The following CTSB variants were observed in gnomAD, a reference collection of about 807,000 sequenced individuals.
The protein encoded by CTSB is APP secretase.
In CTSB, 57 loss-of-function variants were observed where a neutral mutation model predicts 44.3. The ratio of observed to expected loss-of-function variants is 1.29; its 90% CI spans 1.04 to 1.60. The LOEUF is 1.60. CTSB is among the 40% of genes most tolerant of loss of function. The pLI is 0.00. For missense variants in CTSB, 768 were observed against 443.0 expected, an observed-to-expected ratio of 1.73 and a Z score of -6.59; for synonymous variants, 320 against 168.0, an observed-to-expected ratio of 1.91 and a Z score of -7.00.
intron 4 of CTSB, 160 bp from the exon 5 acceptor site, chr8:11,849,324 T>C (rs780109544): frequency 5.5e-6 from 3 of 543,018 alleles, no homozygotes; most frequent in Non-Finnish European, 1.0e-5. Flanking sequence ...TTTATTTTCT[T>C]TGGTAGAAAT....
At chr8:11,848,930 C>T (rs375334854) in intron 5 of CTSB, 116 bp downstream of exon 5, 195 of 721,986 alleles carry the variant, frequency 2.7e-4, no homozygotes, top group South Asian at 2.5e-3. Flanking sequence ...GGAGTCTCCC[C>T]GAAACACTTC....
intron 9 of CTSB, 76 bp downstream of exon 9, chr8:11,845,585 A>C: frequency 2.6e-6 from 4 of 1,549,826 alleles, no homozygotes; most frequent in Non-Finnish European, 3.5e-6. Flanking sequence ...CGGTGGGTAG[A>C]ACAGAGAAAG....
intron 7 of CTSB, 111 bp downstream of exon 7, chr8:11,847,568 G>A: frequency 2.4e-6 from 3 of 1,235,814 alleles, no homozygotes; most frequent in Non-Finnish European, 3.3e-6. Context: ...CTATCCTAGA[G>A]TTCCGGGACC....
rs188138506 is a variant in CTSB at position 11,845,633 on chromosome 8, T to C, written c.922+28A>G. 2.4e-5 allele frequency: 39 copies of C among 1,607,646 alleles called. No homozygotes were observed. In the African/African-American group the frequency reaches 4.1e-4, roughly 17 times the overall value. On this transcript the variant is annotated intron_variant, in intron 9 of 9. Transcript: ENST00000353047. The stretch of plus-strand genomic sequence containing the variant: ...CGGGGTGTGGCTCACAATTCACTGT[T>C]CTTGGCAGGAAGGGGGCAGCCACTC...
intron 1 of CTSB, among the ~76,000 whole-genome samples, chr8:11,860,786 G>C (rs560788563): frequency 1.3e-5 from 2 of 152,214 alleles, no homozygotes; most frequent in Admixed American, 6.5e-5. Flanking sequence ...CCTTCCCAGA[G>C]TACTTTGTTT....
chr8:11,847,871 A>AAGCCCCAGTTGGGCGAGGC, intron 6 of CTSB, 49 bp from the exon 7 acceptor site: 2 of 1,555,122 alleles, frequency 1.3e-6, no homozygotes, highest in Non-Finnish European at 1.7e-6. Flanking sequence ...CCCCACGGAG[A>AAGCCCCAGTTGGGCGAGGC]AGACCTGGGG....
intron 1 of CTSB, among the ~76,000 whole-genome samples, chr8:11,855,550 AAC>A (rs1384779669): frequency 6.6e-6 from 1 of 152,206 alleles, no homozygotes; most frequent in African/African-American, 2.4e-5. Flanking sequence ...ATTGACAGGA[AAC>A]ACAGCCTTCA....
In CTSB at chr8:11,845,044, T is replaced by G. The variant is rs542531386; in HGVS notation, c.*81A>C. The G allele has an allele frequency of 3.4e-5, 33 of 965,914 alleles. No individual in the cohort carries two copies. The highest frequency in any genetic ancestry group is 5.3e-5 in the Non-Finnish European group (32 of 608,104). 59.8% of individuals were successfully genotyped at this position (965,914 alleles called of 1,614,324 possible). On this transcript the variant is annotated 3_prime_UTR_variant, in exon 10 of 10. Transcript: ENST00000353047. ...TCCTTCAGACCCTGTCTGAAACTTGTATCTTACGTGAACTTAAAGAATAAA... is the reference window on the plus strand; with the variant it reads ...TCCTTCAGACCCTGTCTGAAACTTGGATCTTACGTGAACTTAAAGAATAAA...
intron 4 of CTSB, among the ~76,000 whole-genome samples, chr8:11,850,316 G>C (rs948007052): frequency 4.7e-5 from 7 of 149,168 alleles, no homozygotes; most frequent in African/African-American, 1.7e-4. Context: ...CTACTGGGGA[G>C]ACTGAGGCAG....
At chr8:11,846,913 G>A (rs1813473360) in intron 8 of CTSB, 139 bp downstream of exon 8, 3 of 655,760 alleles carry the variant, frequency 4.6e-6, no homozygotes, top group Non-Finnish European at 8.3e-6. Flanking sequence ...GAGCCTATAT[G>A]GAAGGCCCCA....
intron 1 of CTSB, chr8:11,865,733 C>A (rs531671529): frequency 6.6e-6 from 1 of 151,016 alleles, no homozygotes; most frequent in South Asian, 2.1e-4. Context: ...ACCCCTCCAC[C>A]GCGCGGTGGC....
intron 1 of CTSB, among the ~76,000 whole-genome samples, chr8:11,855,698 G>A (rs919458226): frequency 6.6e-6 from 1 of 152,014 alleles, no homozygotes; most frequent in Admixed American, 6.6e-5. Context: ...CAGCATAATA[G>A]AAAAACTACA....
chr8:11,850,917 C>A lies in CTSB; in HGVS notation c.276G>T (p.Gln92His). The change falls in exon 4 of 10, where the codon CAG (glutamine) becomes CAT (histidine). Residue 92 changes from glutamine to histidine, a missense_variant. Physicochemically the swap from Gln to His is conservative, Grantham distance 24 (BLOSUM62 0). Transcript: ENST00000353047. ...CTCTGATCTCTTTGATGGTGGGACA[C>A]TGTGGCCATTGTTCCCGTGCATCGA... ...ASFDAREQWP[Q>H]CPTIKEIRDQ... 6.2e-7 allele frequency: 1 copy of A among 1,613,640 alleles called. No individual in the cohort carries two copies. Among genetic ancestry groups the A allele is most frequent in the East Asian group, 2.2e-5 (1 of 44,882 alleles).
rs199904756 is a variant in CTSB, at chr8:11,845,758, C to A, written c.825G>T (p.Met275Ile). The stretch of plus-strand genomic sequence containing the variant: ...CCAGGATGCGGATGGCATGGCCACC[C>A]ATCATCTCTCCGGTGACGTGTTGGT... The part of the protein sequence containing the change: ...GVYQHVTGEM[M>I]GGHAIRILGW... The change falls in exon 9 of 10, where the codon ATG (methionine) becomes ATT (isoleucine). Residue 275 changes from methionine (M) to isoleucine (I), a missense_variant. Coordinates refer to ENST00000353047, the MANE Select transcript of CTSB (RefSeq NM_001908.5). The A allele has an allele frequency of 6.2e-7, 1 of 1,614,060 alleles. No individual in the cohort carries two copies. Among genetic ancestry groups the A allele is most frequent in the Non-Finnish European group, 8.5e-7 (1 of 1,179,950 alleles).
At chr8:11,852,505 A>G (rs958627775) in intron 3 of CTSB, 105 bp downstream of exon 3, 8 of 765,402 alleles carry the variant, frequency 1.0e-5, no homozygotes, top group Non-Finnish European at 1.5e-5. Context: ...CCTGGGCAGC[A>G]TGAGCCCTGC....
intron 1 of CTSB, among the ~76,000 whole-genome samples, chr8:11,860,579 G>C (rs112435857): frequency 6.6e-6 from 1 of 152,088 alleles, no homozygotes; most frequent in Non-Finnish European, 1.5e-5. Context: ...GGCTGAGATC[G>C]CACCATTGCA....
intron 8 of CTSB, 81 bp from the exon 9 acceptor site, chr8:11,845,870 TG>T: frequency 9.6e-6 from 14 of 1,462,048 alleles, no homozygotes; most frequent in Non-Finnish European, 1.3e-5. Context: ...CAGCTGGTCA[TG>T]CTCCGGGAAG....
At chr8:11,857,525 G>A (rs1404887659) in intron 1 of CTSB, among the ~76,000 whole-genome samples, 2 of 152,136 alleles carry the variant, frequency 1.3e-5, no homozygotes, top group African/African-American at 4.8e-5. Flanking sequence ...GAGGATGGGA[G>A]CGTTTCCATG....
At chr8:11,854,474 T>G (rs1458957584) in intron 1 of CTSB, among the ~76,000 whole-genome samples, 1 of 151,562 alleles carries the variant, frequency 6.6e-6, no homozygotes, top group African/African-American at 2.4e-5. Flanking sequence ...GACAGCAAGA[T>G]GGCTCTGGAA....
Sources: gnomAD v4.1 joint callset for allele counts (sites outside exome capture counted in the v4.1 genomes callset) on GRCh38, gnomAD v4.1.1 for gene constraint, MANE v1.5 for transcripts, NCBI Gene and HGNC (gene_info 2026-07-23, HGNC 2026-07-21) for gene names.